TAFA5: variants seen among roughly 807,000 people sequenced by gnomAD.
TAFA5 encodes the protein TAFA chemokine like family member 5.
Under a neutral mutation model 15.3 loss-of-function variants are expected in TAFA5, and 6 were observed. The ratio of observed to expected loss-of-function variants is 0.39; its 90% CI spans 0.21 to 0.77. The LOEUF is 0.77. Ranked by LOEUF, TAFA5 falls within the 30% of genes least tolerant of loss-of-function variation. The pLI is 0.41. For missense variants in TAFA5, 161 were observed against 193.1 expected (o/e 0.83, Z 0.98); for synonymous variants, 103 against 80.7 (o/e 1.28, Z -1.48).
intron 2 of TAFA5, among the ~76,000 whole-genome samples, chr22:48,694,798 A>C (rs1601678270): frequency 1.1e-4 from 9 of 85,700 alleles, no homozygotes; most frequent in Admixed American, 2.3e-4. Flanking sequence ...CCACCGCTCC[A>C]GACCTCCGCC....
At chr22:48,684,881 G>A (rs1005950717) in intron 2 of TAFA5, among the ~76,000 whole-genome samples, 4 of 152,252 alleles carry the variant, frequency 2.6e-5, no homozygotes, top group African/African-American at 9.6e-5. Flanking sequence ...GAGCTTCCCT[G>A]CTGATAGGCT....
chr22:48,549,887 C>T (rs1408026249), intron 1 of TAFA5, among the ~76,000 whole-genome samples: 2 of 152,208 alleles, frequency 1.3e-5, no homozygotes, highest in African/African-American at 2.4e-5. Flanking sequence ...CAGACGCCCT[C>T]GGGAATTGGA....
intron 1 of TAFA5, among the ~76,000 whole-genome samples, chr22:48,628,905 G>A (rs1926115024): frequency 6.6e-6 from 1 of 152,230 alleles, no homozygotes; most frequent in African/African-American, 2.4e-5. Context: ...ACCTGGGGCT[G>A]TGGGTGGGGG....
intron 2 of TAFA5, among the ~76,000 whole-genome samples, chr22:48,687,731 C>T (rs1415353770): frequency 6.6e-6 from 1 of 152,162 alleles, no homozygotes. Context: ...TCCATACACA[C>T]CCTGCTGGCC....
At chr22:48,647,304 C>A (rs2147202945) in intron 2 of TAFA5, among the ~76,000 whole-genome samples, 2 of 152,298 alleles carry the variant, frequency 1.3e-5, no homozygotes, top group African/African-American at 4.8e-5. Flanking sequence ...AAGCTTCTGA[C>A]AAGCTGGGCC....
At chr22:48,678,568 G>A (rs796241553) in intron 2 of TAFA5, among the ~76,000 whole-genome samples, 10 of 152,280 alleles carry the variant, frequency 6.6e-5, no homozygotes, top group Admixed American at 1.3e-4. Flanking sequence ...GGGGAGCCGC[G>A]TGTGTGACCT....
intron 2 of TAFA5, among the ~76,000 whole-genome samples, chr22:48,701,869 C>A (rs556626613): frequency 6.6e-6 from 1 of 152,350 alleles, no homozygotes; most frequent in African/African-American, 2.4e-5. Context: ...CCTCCTGGAG[C>A]CCAAGGTTTT....
chr22:48,716,768 C>T, intron 3 of TAFA5, among the ~76,000 whole-genome samples: 1 of 152,168 alleles, frequency 6.6e-6, no homozygotes, highest in East Asian at 1.9e-4. Flanking sequence ...TGTGTGCATA[C>T]ATGTACATAT....
intron 1 of TAFA5, among the ~76,000 whole-genome samples, chr22:48,494,126 C>T (rs1928245414): frequency 6.6e-6 from 1 of 152,200 alleles, no homozygotes; most frequent in Non-Finnish European, 1.5e-5. Flanking sequence ...TGCCACTCGA[C>T]ATGCTCGGAA....
chr22:48,673,913 G>C (rs1338486490), intron 2 of TAFA5, among the ~76,000 whole-genome samples: 1 of 152,096 alleles, frequency 6.6e-6, no homozygotes, highest in African/African-American at 2.4e-5. Flanking sequence ...GTAGATACTA[G>C]GGGTGGGAGG....
At chr22:48,727,751 T>C (rs567408729) in intron 3 of TAFA5, among the ~76,000 whole-genome samples, 1 of 152,216 alleles carries the variant, frequency 6.6e-6, no homozygotes, top group African/African-American at 2.4e-5. Flanking sequence ...TAAATAAAGA[T>C]AAATCAGGCA....
intron 1 of TAFA5, among the ~76,000 whole-genome samples, chr22:48,643,163 C>T (rs370261977): frequency 6.1e-4 from 93 of 152,314 alleles, no homozygotes; most frequent in Middle Eastern, 3.4e-3. Context: ...CACTGCAACC[C>T]GGCTGCCATG....
chr22:48,527,659 C>T (rs133485), intron 1 of TAFA5, among the ~76,000 whole-genome samples: 36,047 of 152,178 alleles, frequency 0.24, 4,740 homozygotes, highest in Middle Eastern at 0.3. Context: ...TGTTGGAAGC[C>T]CTGTGGGAAG....
intron 1 of TAFA5, among the ~76,000 whole-genome samples, chr22:48,509,427 G>C (rs902451790): frequency 6.6e-6 from 1 of 152,080 alleles, no homozygotes; most frequent in Admixed American, 6.6e-5. Flanking sequence ...CATTCCCACC[G>C]ATAGTGTATA....
chr22:48,592,171 T>C (rs1257056115), intron 1 of TAFA5, among the ~76,000 whole-genome samples: 1 of 152,170 alleles, frequency 6.6e-6, no homozygotes, highest in East Asian at 1.9e-4. Context: ...CCACCCATGG[T>C]GCTGACCCTG....
intron 3 of TAFA5, among the ~76,000 whole-genome samples, chr22:48,749,272 T>G (rs1930413481): frequency 6.6e-6 from 1 of 152,210 alleles, no homozygotes. Context: ...CTAACTGCTC[T>G]TTCAGATCCC....
chr22:48,577,973 G>A (rs1343805066), intron 1 of TAFA5, among the ~76,000 whole-genome samples: 1 of 152,228 alleles, frequency 6.6e-6, no homozygotes, highest in Non-Finnish European at 1.5e-5. Flanking sequence ...GGAGTCATTG[G>A]GTCCAGGCAA....
chr22:48,611,036 C>T (rs1323014448), intron 1 of TAFA5, among the ~76,000 whole-genome samples: 4 of 151,762 alleles, frequency 2.6e-5, no homozygotes, highest in Non-Finnish European at 4.4e-5. Context: ...TGGGTTCAAG[C>T]GATTCTCCTG....
chr22:48,704,669 G>T (rs1259347003), intron 2 of TAFA5, among the ~76,000 whole-genome samples: 1 of 151,944 alleles, frequency 6.6e-6, no homozygotes, highest in Non-Finnish European at 1.5e-5. Flanking sequence ...GAGCACAGTT[G>T]CTTTTTCTCG....
Sources: allele counts gnomAD v4.1 joint callset (sites outside exome capture counted in the v4.1 genomes callset), GRCh38; gene constraint gnomAD v4.1.1; transcripts MANE v1.5; gene names NCBI Gene and HGNC (gene_info 2026-07-23, HGNC 2026-07-21).